CNTN4: variants seen among roughly 807,000 people sequenced by gnomAD.
The protein encoded by CNTN4 is contactin 4.
Under a neutral mutation model 122.5 loss-of-function variants are expected in CNTN4, and 77 were observed. The observed-to-expected ratio is 0.63, with a 90% CI of 0.52 to 0.76. CNTN4 has a LOEUF of 0.76. Ranked by LOEUF, CNTN4 falls within the 30% of genes least tolerant of loss-of-function variation. The pLI is 0.00. For synonymous variants in CNTN4, 512 were observed against 447.0 expected, an observed-to-expected ratio of 1.15 and a Z score of -1.83; for missense variants, 1,256 against 1,259.1, an observed-to-expected ratio of 1.00 and a Z score of 0.04.
intron 3 of CNTN4, among the ~76,000 whole-genome samples, chr3:2,541,306 G>A (rs1157492137): frequency 1.3e-5 from 2 of 152,000 alleles, no homozygotes; most frequent in Non-Finnish European, 2.9e-5. Context: ...AGTGAGGTGA[G>A]GCTATAAAAA....
At chr3:2,850,114 C>G (rs780448760) in intron 7 of CNTN4, among the ~76,000 whole-genome samples, 3 of 151,790 alleles carry the variant, frequency 2.0e-5, no homozygotes, top group Admixed American at 1.3e-4. Context: ...CTCAGCCTCC[C>G]GAATAGCTGG....
intron 3 of CNTN4, among the ~76,000 whole-genome samples, chr3:2,434,386 G>C (rs1206654328): frequency 6.6e-6 from 1 of 152,138 alleles, no homozygotes; most frequent in Non-Finnish European, 1.5e-5. Flanking sequence ...AGAGTAAAGG[G>C]AAGGGCATGT....
intron 13 of CNTN4, among the ~76,000 whole-genome samples, chr3:2,984,117 A>G (rs970409237): frequency 6.6e-6 from 1 of 152,204 alleles, no homozygotes; most frequent in African/African-American, 2.4e-5. Flanking sequence ...CCCATAGGAA[A>G]TTGGATAGGG....
intron 2 of CNTN4, among the ~76,000 whole-genome samples, chr3:2,285,343 A>T (rs1184448): frequency 1.3e-5 from 2 of 152,222 alleles, no homozygotes; most frequent in Admixed American, 1.3e-4. Context: ...TACTGTTGAT[A>T]AATATATTTA....
chr3:2,591,778 A>G (rs931482912), intron 4 of CNTN4, among the ~76,000 whole-genome samples: 1 of 152,226 alleles, frequency 6.6e-6, no homozygotes, highest in Non-Finnish European at 1.5e-5. Flanking sequence ...CTCTCATGTA[A>G]GGGAGGTAAA....
chr3:2,760,603 T>A (rs756629896), intron 6 of CNTN4, among the ~76,000 whole-genome samples: 2 of 152,184 alleles, frequency 1.3e-5, no homozygotes, highest in Non-Finnish European at 2.9e-5. Context: ...GCAGTAAGTT[T>A]TGAAATTGGG....
At chr3:2,779,283 G>T (rs558599475) in intron 6 of CNTN4, among the ~76,000 whole-genome samples, 4 of 152,038 alleles carry the variant, frequency 2.6e-5, no homozygotes, top group African/African-American at 4.8e-5. Flanking sequence ...TTGTTGGTTC[G>T]TTTGTGACAG....
At chr3:2,708,721 C>A (rs534704489) in intron 4 of CNTN4, among the ~76,000 whole-genome samples, 1 of 142,018 alleles carries the variant, frequency 7.0e-6, no homozygotes, top group Non-Finnish European at 1.5e-5. Context: ...CACGCGCACG[C>A]GCGCATCACA....
intron 3 of CNTN4, among the ~76,000 whole-genome samples, chr3:2,492,362 G>A (rs1477561823): frequency 6.6e-6 from 1 of 152,114 alleles, no homozygotes; most frequent in African/African-American, 2.4e-5. Context: ...GCTTAGTCCT[G>A]CAGGCTTATC....
At chr3:2,309,131 G>T in intron 2 of CNTN4, among the ~76,000 whole-genome samples, 1 of 151,764 alleles carries the variant, frequency 6.6e-6, no homozygotes, top group Non-Finnish European at 1.5e-5. Context: ...CCTCTATTTT[G>T]AGTCTTTGTT....
At chr3:2,907,894 CTT>C (rs1248264026) in intron 12 of CNTN4, among the ~76,000 whole-genome samples, 2 of 152,290 alleles carry the variant, frequency 1.3e-5, no homozygotes, top group East Asian at 1.9e-4. Flanking sequence ...CATAGAGAGA[CTT>C]TTATCTTGAG....
chr3:2,133,322 A>G (rs2034536817), intron 2 of CNTN4, among the ~76,000 whole-genome samples: 1 of 152,174 alleles, frequency 6.6e-6, no homozygotes, highest in South Asian at 2.1e-4. Context: ...AATTCTTAAG[A>G]TTTCTTAAGT....
intron 2 of CNTN4, among the ~76,000 whole-genome samples, chr3:2,285,254 G>T (rs1424133909): frequency 1.3e-5 from 2 of 152,146 alleles, no homozygotes; most frequent in East Asian, 3.9e-4. Flanking sequence ...CATTTAAGGA[G>T]TTCTTAATCG....
At position 2,745,663 on chromosome 3, in the gene CNTN4, A is replaced by G. The variant is rs538037892; in HGVS notation, c.324A>G (p.Thr108=). Residue 108 remains threonine, a synonymous_variant, in exon 6 of 25, where the codon ACA becomes ACG. Transcript: ENST00000418658. ...YQCTATNSFG[T]IVSREAKLQF... is the part of the protein sequence containing the mutation. ...GCACAGCGACAAACTCGTTTGGAACAATTGTTAGCAGAGAAGCAAAGCTTC... is the reference window on the plus strand; with the variant it reads ...GCACAGCGACAAACTCGTTTGGAACGATTGTTAGCAGAGAAGCAAAGCTTC... 2.2e-5 allele frequency: 36 copies of G among 1,614,034 alleles called. 1 individual carries two copies. In the Middle Eastern group the frequency reaches 1.5e-3, roughly 66 times the overall value.
At chr3:2,810,409 G>A (rs1015431842) in intron 6 of CNTN4, among the ~76,000 whole-genome samples, 1 of 151,940 alleles carries the variant, frequency 6.6e-6, no homozygotes, top group African/African-American at 2.4e-5. Flanking sequence ...TTCTTGCCTA[G>A]GTTTTGTTCC....
chr3:2,148,574 T>G (rs1559288186), intron 2 of CNTN4, among the ~76,000 whole-genome samples: 1 of 152,068 alleles, frequency 6.6e-6, no homozygotes. Flanking sequence ...TTAGTAGGTC[T>G]AACTGTAATT....
At chr3:2,246,905 TTGG>T (rs778377499) in intron 2 of CNTN4, among the ~76,000 whole-genome samples, 4 of 151,954 alleles carry the variant, frequency 2.6e-5, no homozygotes, top group Non-Finnish European at 4.4e-5. Flanking sequence ...ACATACAGAC[TTGG>T]TGGAGATGTT....
chr3:2,644,113 C>T (rs929113784), intron 4 of CNTN4, among the ~76,000 whole-genome samples: 7 of 152,290 alleles, frequency 4.6e-5, no homozygotes, highest in South Asian at 4.2e-4. Flanking sequence ...GGGCATCTGT[C>T]CCCATGTCCT....
At chr3:2,932,060 G>A (rs1006477177) in intron 13 of CNTN4, among the ~76,000 whole-genome samples, 9 of 151,556 alleles carry the variant, frequency 5.9e-5, no homozygotes, top group Admixed American at 2.0e-4. Context: ...TGGCCGGGGT[G>A]GGGGGTGGGA....
Sources: allele counts gnomAD v4.1 joint callset (sites outside exome capture counted in the v4.1 genomes callset), GRCh38; gene constraint gnomAD v4.1.1; transcripts MANE v1.5; gene names NCBI Gene and HGNC (gene_info 2026-07-23, HGNC 2026-07-21).